The following SIGLECL1 variants were observed in gnomAD, a reference collection of about 807,000 sequenced individuals.
The protein encoded by SIGLECL1 is SIGLEC family like 1.
A neutral mutation model predicts 19.1 loss-of-function variants in SIGLECL1; 16 were observed. The ratio of observed to expected loss-of-function variants is 0.84; its 90% CI spans 0.57 to 1.27. SIGLECL1 has a LOEUF of 1.27. Among genes scored for constraint, SIGLECL1 ranks in the 50% most tolerant of loss-of-function variants. The pLI is 0.00. For missense variants in SIGLECL1, 210 were observed against 239.4 expected (o/e 0.88, Z 0.81); for synonymous variants, 89 against 90.4 (o/e 0.98, Z 0.09).
intron 5 of SIGLECL1, among the ~76,000 whole-genome samples, chr19:51,267,926 T>G (rs930865135): frequency 1.3e-5 from 2 of 152,094 alleles, no homozygotes; most frequent in Non-Finnish European, 2.9e-5. Context: ...GGTTAGAGAT[T>G]AGGCCAAGCC....
upstream of SIGLECL1, chr19:51,246,362 G>A (rs1040592652): frequency 2.6e-5 from 4 of 152,220 alleles, no homozygotes; most frequent in African/African-American, 4.8e-5. Context: ...AATCTGCTTC[G>A]AAAGGGATCC....
chr19:51,265,817 G>C lies in SIGLECL1; in HGVS notation c.345G>C (p.Leu115=). The C allele has an allele frequency of 6.2e-7, 1 of 1,614,194 alleles. No individual in the cohort carries two copies. Among genetic ancestry groups the C allele is most frequent in the South Asian group, 1.1e-5 (1 of 91,082 alleles). The change falls in exon 4 of 6, where the codon CTG becomes CTC. Residue 115 remains leucine, a synonymous_variant. Transcript: ENST00000601727. The part of the protein sequence containing the change: ...SLAAQAFVKG[L]IQGAIYAGIV... The stretch of plus-strand genomic sequence containing the variant: ...CTGCCCAGGCCTTCGTGAAAGGGCT[G>C]ATCCAGGGTGCTATCTATGCGGGAA...
At position 51,267,410 on chromosome 19, in the gene SIGLECL1, G is replaced by A. The variant is rs778202388; in HGVS notation, c.448G>A (p.Ala150Thr). 2 of 1,613,856 alleles carry A rather than the reference G, an allele frequency of 1.2e-6. No individual in the cohort carries two copies. Among genetic ancestry groups the A allele is most frequent in the Admixed American group, 1.7e-5 (1 of 60,030 alleles). The change falls in exon 5 of 6, where the codon GCA becomes ACA. Residue 150 changes from alanine (A) to threonine (T), a missense_variant. Transcript: ENST00000601727. Reference protein sequence around the residue: ...HIRKKQAKKAAAIRAKKSSKV... With the variant: ...HIRKKQAKKATAIRAKKSSKV... ...CAGAAAGAAGCAGGCGAAGAAAGCT[G>A]CAGCGATCAGAGCAAAAAAGAGCTC...
intron 4 of SIGLECL1, 148 bp from the exon 5 acceptor site, chr19:51,267,225 C>T: frequency 1.1e-6 from 1 of 932,300 alleles, no homozygotes; most frequent in Non-Finnish European, 1.6e-6. Context: ...AAACTAATTC[C>T]CAGAGAGGAT....
rs561575727 is a variant in SIGLECL1 at position 51,254,663 on chromosome 19, A to G, written c.-191+3118A>G. ...TGGGGTTTGGGGAAACGGGGAGTAA[A>G]TGTTAATAGATATTGGTGTTTTTAG... On this transcript the variant is annotated intron_variant, in intron 1 of 5. Coordinates refer to ENST00000601727, the MANE Select transcript of SIGLECL1 (RefSeq NM_001385465.1). Among the ~76,000 whole-genome samples, 3 of 152,244 alleles carry G rather than the reference A, an allele frequency of 2.0e-5. No homozygotes were observed. In the East Asian group the frequency reaches 5.8e-4, roughly 29 times the overall value.
At chr19:51,266,098 T>G (rs1983649457) in intron 4 of SIGLECL1, among the ~76,000 whole-genome samples, 1 of 152,068 alleles carries the variant, frequency 6.6e-6, no homozygotes, top group Non-Finnish European at 1.5e-5. Context: ...TTGAACACAT[T>G]TTATAAAGGA....
intron 1 of SIGLECL1, among the ~76,000 whole-genome samples, chr19:51,258,112 G>C (rs1428714965): frequency 6.6e-6 from 1 of 152,182 alleles, no homozygotes; most frequent in Admixed American, 6.5e-5. Context: ...ACAGCTTTCA[G>C]TGAATTCTGT....
chr19:51,265,965 C>T (rs756649453), intron 4 of SIGLECL1, 83 bp downstream of exon 4: 134 of 1,360,048 alleles, frequency 9.9e-5, no homozygotes, highest in Non-Finnish European at 1.3e-4. Flanking sequence ...AGAGCAAAGA[C>T]AGGACCCCTC....
At chr19:51,264,141 A>T in intron 2 of SIGLECL1, 47 bp downstream of exon 2, 2 of 1,611,926 alleles carry the variant, frequency 1.2e-6, no homozygotes, top group Non-Finnish European at 1.7e-6. Context: ...GGAAGCCAAG[A>T]CTCCAGGGCC....
chr19:51,265,313 A>G (rs1332595841), intron 2 of SIGLECL1, 55 bp from the exon 3 acceptor site: 1 of 1,538,662 alleles, frequency 6.5e-7, no homozygotes, highest in East Asian at 2.3e-5. Flanking sequence ...TGCTGGAGAA[A>G]CTGGAAGAGG....
At chr19:51,256,786 A>C (rs552552364) in intron 1 of SIGLECL1, among the ~76,000 whole-genome samples, 15 of 152,292 alleles carry the variant, frequency 9.8e-5, no homozygotes, top group Admixed American at 3.9e-4. Flanking sequence ...AAGTATATAC[A>C]ATTTTTATTT....
chr19:51,262,403 T>C (rs1320482875), intron 1 of SIGLECL1, among the ~76,000 whole-genome samples: 1 of 152,186 alleles, frequency 6.6e-6, no homozygotes, highest in African/African-American at 2.4e-5. Context: ...CAATTTTGTG[T>C]TGATTGCATG....
chr19:51,261,890 T>G (rs775767327), intron 1 of SIGLECL1, among the ~76,000 whole-genome samples: 1 of 152,158 alleles, frequency 6.6e-6, no homozygotes, highest in African/African-American at 2.4e-5. Context: ...GAAGTATTAA[T>G]ACAGATAGTA....
At chr19:51,264,210 CA>C (rs750780856) in intron 2 of SIGLECL1, 116 bp downstream of exon 2, 78 of 1,154,964 alleles carry the variant, frequency 6.8e-5, no homozygotes, top group Non-Finnish European at 9.6e-5. Flanking sequence ...GACATATGGG[CA>C]TAAGTACCAA....
At chr19:51,267,222 T>C (rs1408048929) in intron 4 of SIGLECL1, 151 bp from the exon 5 acceptor site, 10 of 917,096 alleles carry the variant, frequency 1.1e-5, no homozygotes, top group Non-Finnish European at 1.7e-5. Context: ...GTGAAACTAA[T>C]TCCCAGAGAG....
intron 1 of SIGLECL1, among the ~76,000 whole-genome samples, chr19:51,262,299 C>T (rs1983293517): frequency 6.6e-6 from 1 of 152,030 alleles, no homozygotes; most frequent in South Asian, 2.1e-4. Flanking sequence ...GCTATTGAGC[C>T]CTTATATTAT....
intron 4 of SIGLECL1, 35 bp downstream of exon 4, chr19:51,265,917 A>C (rs762929997): frequency 1.2e-5 from 19 of 1,606,654 alleles, no homozygotes; most frequent in Non-Finnish European, 1.5e-5. Context: ...CCGCAAGCCT[A>C]CTACCGGGCA....
upstream of SIGLECL1, among the ~76,000 whole-genome samples, chr19:51,246,652 G>T (rs990269727): frequency 1.3e-5 from 2 of 152,174 alleles, no homozygotes; most frequent in Admixed American, 6.5e-5. Flanking sequence ...AGCCCACCAA[G>T]AATTTTGCCC....
At chr19:51,260,972 T>C (rs113519443) in intron 1 of SIGLECL1, among the ~76,000 whole-genome samples, 2,332 of 152,338 alleles carry the variant, frequency 0.015, 36 homozygotes, top group African/African-American at 0.045. Context: ...TATATTCCAA[T>C]AGTCTGTTTG....
Sources: allele counts gnomAD v4.1 joint callset (sites outside exome capture counted in the v4.1 genomes callset), GRCh38; gene constraint gnomAD v4.1.1; transcripts MANE v1.5; gene names NCBI Gene and HGNC (gene_info 2026-07-23, HGNC 2026-07-21).